The following LYPLA1 variants were observed in gnomAD, a reference collection of about 807,000 sequenced individuals.
LYPLA1 encodes acyl-protein thioesterase 1.
Under a neutral mutation model 34.0 loss-of-function variants are expected in LYPLA1, and 17 were observed. The observed-to-expected ratio is 0.50, with a 90% CI of 0.34 to 0.75. The LOEUF (loss-of-function observed/expected upper bound fraction) is 0.75. LYPLA1 is among the 30% of genes least tolerant of loss of function. The probability of loss-of-function intolerance (pLI) is 0.01; values close to 1 mark genes in which losing one functional copy is unlikely to be tolerated. For missense variants in LYPLA1, 203 were observed against 288.8 expected (o/e 0.70, Z 2.15); for synonymous variants, 98 against 100.8 (o/e 0.97, Z 0.17).
chr8:54,050,554 C>T (rs1206182827), intron 8 of LYPLA1, among the ~76,000 whole-genome samples: 1 of 152,174 alleles, frequency 6.6e-6, no homozygotes, highest in East Asian at 1.9e-4. Context: ...TCTTTCTCTG[C>T]ACATTTGCTA....
intron 2 of LYPLA1, among the ~76,000 whole-genome samples, chr8:54,085,885 T>G (rs1284545090): frequency 6.6e-6 from 1 of 151,694 alleles, no homozygotes; most frequent in Non-Finnish European, 1.5e-5. Flanking sequence ...CCGCCCCGTC[T>G]GGGAAGTGAG....
chr8:54,072,957 T>TA (rs1807600765), intron 2 of LYPLA1, among the ~76,000 whole-genome samples: 1 of 140,984 alleles, frequency 7.1e-6, no homozygotes, highest in Non-Finnish European at 1.5e-5. Context: ...AAAAAAGACA[T>TA]ACATGTGGCC....
rs961593407 is a variant in LYPLA1 at position 54,100,888 on chromosome 8, T to C, written c.101+20A>G. On this transcript the variant is annotated intron_variant, in intron 2 of 8. Coordinates refer to ENST00000316963, the MANE Select transcript of LYPLA1 (RefSeq NM_006330.4). ...TGACCCAGTTTCATTACTGTTACTA[T>C]TAATAATAATGGTACCTACCCAGTA... The C allele has an allele frequency of 1.9e-6, 3 of 1,596,714 alleles. No homozygotes were observed. The highest frequency in any genetic ancestry group is 1.7e-6 in the Non-Finnish European group (2 of 1,164,748).
At chr8:54,093,059 CAG>C (rs1283879901) in intron 2 of LYPLA1, among the ~76,000 whole-genome samples, 1 of 152,174 alleles carries the variant, frequency 6.6e-6, no homozygotes. Flanking sequence ...TGACCTAAGA[CAG>C]ATCAGATTCT....
chr8:54,065,196 A>G (rs923216334), intron 3 of LYPLA1, among the ~76,000 whole-genome samples: 1 of 152,178 alleles, frequency 6.6e-6, no homozygotes, highest in Non-Finnish European at 1.5e-5. Context: ...AGATATTTGT[A>G]TATCTAAGAT....
At chr8:54,052,004 C>T (rs1043657688) in intron 7 of LYPLA1, among the ~76,000 whole-genome samples, 8 of 151,902 alleles carry the variant, frequency 5.3e-5, no homozygotes, top group Non-Finnish European at 8.8e-5. Flanking sequence ...GTGTGCACCA[C>T]GACGCCCAGC....
intron 1 of LYPLA1, among the ~76,000 whole-genome samples, chr8:54,101,164 A>T (rs1015574113): frequency 6.6e-6 from 1 of 151,166 alleles, no homozygotes; most frequent in Non-Finnish European, 1.5e-5. Flanking sequence ...GGTAGCACTG[A>T]GAGGTCCCAG....
At chr8:54,083,995 C>CG (rs1398012879) in intron 2 of LYPLA1, among the ~76,000 whole-genome samples, 1 of 151,346 alleles carries the variant, frequency 6.6e-6, no homozygotes, top group African/African-American at 2.4e-5. Context: ...AAAACTAGCC[C>CG]GGTGTGGCAG....
intron 5 of LYPLA1, among the ~76,000 whole-genome samples, chr8:54,055,649 T>TA (rs1023025051): frequency 4.0e-5 from 6 of 151,452 alleles, no homozygotes; most frequent in African/African-American, 1.5e-4. Flanking sequence ...CTAATTATTT[T>TA]TTTTTTTTTT....
At chr8:54,064,475 G>A (rs1489681688) in intron 3 of LYPLA1, among the ~76,000 whole-genome samples, 1 of 152,186 alleles carries the variant, frequency 6.6e-6, no homozygotes, top group Admixed American at 6.6e-5. Context: ...AATGATAGAG[G>A]ACATAGCAAC....
intron 2 of LYPLA1, among the ~76,000 whole-genome samples, chr8:54,098,928 CATTA>C (rs78269969): frequency 0.076 from 11,630 of 152,242 alleles, 737 homozygotes; most frequent in South Asian, 0.32. Flanking sequence ...CTTTCCTTAG[CATTA>C]TCCCACCAAA....
intron 7 of LYPLA1, among the ~76,000 whole-genome samples, 165 bp downstream of exon 7, chr8:54,052,490 G>A (rs1805912964): frequency 6.6e-6 from 1 of 152,012 alleles, no homozygotes. Flanking sequence ...GGGACAGGAG[G>A]TAGATAGTAA....
chr8:54,055,638 C>T (rs909409302), intron 5 of LYPLA1, among the ~76,000 whole-genome samples: 19 of 149,472 alleles, frequency 1.3e-4, no homozygotes, highest in African/African-American at 4.6e-4. Context: ...GAAAAACAAT[C>T]CTAATTATTT....
intron 6 of LYPLA1, chr8:54,053,035 A>C (rs1805957650): frequency 3.0e-6 from 1 of 335,600 alleles, no homozygotes; most frequent in African/African-American, 2.1e-5. Flanking sequence ...TTCTGAATTT[A>C]TATTTTCTCC....
intron 2 of LYPLA1, among the ~76,000 whole-genome samples, chr8:54,087,745 C>T (rs1029430248): frequency 6.6e-6 from 1 of 152,072 alleles, no homozygotes; most frequent in African/African-American, 2.4e-5. Context: ...TGCAAATGGC[C>T]AATAAGGATG....
chr8:54,091,548 AAAG>A lies in LYPLA1; in HGVS notation c.101+9357_101+9359del, dbSNP rs1158072698. 6.6e-5 allele frequency among the ~76,000 whole-genome samples: 9 copies of A among 137,352 alleles called. No homozygotes were observed. The East Asian group carries it at 7.8e-4, about 12-fold the overall frequency. 90.1% of individuals were successfully genotyped at this position (137,352 alleles called of 152,430 possible). A position where few individuals can be genotyped will look rare whatever the true frequency, so the allele number is the denominator to read the frequency against. ...AGAAAAGAAAAAAGAAAAGAAAAGA[AAAG>A]AAGAAAGGAAGGAAGGAAAGAAAGA... is the stretch of plus-strand genomic sequence containing the variant. On this transcript the variant is annotated intron_variant, in intron 2 of 8. Coordinates refer to ENST00000316963, the MANE Select transcript of LYPLA1 (RefSeq NM_006330.4).
intron 2 of LYPLA1, among the ~76,000 whole-genome samples, chr8:54,091,529 GA>G (rs372241124): frequency 1.3e-4 from 14 of 109,506 alleles, no homozygotes; most frequent in African/African-American, 4.4e-4. Flanking sequence ...AAAAAGAAAA[GA>G]AAAAAGAAAA....
intron 2 of LYPLA1, among the ~76,000 whole-genome samples, chr8:54,093,710 A>G (rs1000390722): frequency 6.6e-6 from 1 of 152,218 alleles, no homozygotes; most frequent in African/African-American, 2.4e-5. Flanking sequence ...TTATTTGTCC[A>G]ACAAATACTT....
intron 2 of LYPLA1, among the ~76,000 whole-genome samples, chr8:54,095,639 C>G (rs1586183836): frequency 6.6e-6 from 1 of 152,212 alleles, no homozygotes; most frequent in East Asian, 1.9e-4. Context: ...ATATGATGCA[C>G]TGTTATGGAC....
Sources: allele counts gnomAD v4.1 joint callset (sites outside exome capture counted in the v4.1 genomes callset), GRCh38; gene constraint gnomAD v4.1.1; transcripts MANE v1.5; gene names NCBI Gene and HGNC (gene_info 2026-07-23, HGNC 2026-07-21).